The following CD63 variants were observed in gnomAD, a reference collection of about 807,000 sequenced individuals.
The protein encoded by CD63 is CD63 molecule, also known as CD63 antigen.
A neutral mutation model predicts 29.2 loss-of-function variants in CD63; 16 were observed. That is an observed-to-expected ratio of 0.55 (90% confidence interval 0.37 to 0.83). CD63 has a LOEUF of 0.83. CD63 is among the 40% of genes least tolerant of loss of function. CD63 has a pLI of 0.00. For missense variants in CD63, 251 were observed against 297.3 expected, an observed-to-expected ratio of 0.84 and a Z score of 1.15; for synonymous variants, 118 against 111.7, an observed-to-expected ratio of 1.06 and a Z score of -0.36.
At chr12:55,726,284 A>G (rs1227933961) in intron 5 of CD63, 23 bp from the exon 6 acceptor site, 1 of 1,571,772 alleles carries the variant, frequency 6.4e-7, no homozygotes, top group Admixed American at 1.7e-5. Flanking sequence ...AGAAATATGG[A>G]GAAGAAGGTT....
chr12:55,724,546 A>C (rs758798237), downstream of CD63: 1 of 1,609,698 alleles, frequency 6.2e-7, no homozygotes, highest in Non-Finnish European at 8.5e-7. Flanking sequence ...AGTCTACTGA[A>C]TCCAGCCTTC....
chr12:55,728,348 CG>C lies in CD63; in HGVS notation c.-8del. 1.2e-6 allele frequency: 2 copies of C among 1,609,368 alleles called. No individual in the cohort carries two copies. On this transcript the variant is annotated 5_prime_UTR_variant, in exon 2 of 8. Transcript: ENST00000257857. This position sits in a 1 kb window ranked among gnomAD's most constrained non-coding sequence, Gnocchi z 4.8. ...TTCCTCCTTCCACCGCCATGGCTGCCGGGCCTGGGGCAGAGGGGAGGGCGGG... is the reference window on the plus strand; with the variant it reads ...TTCCTCCTTCCACCGCCATGGCTGCCGGCCTGGGGCAGAGGGGAGGGCGGG...
rs950592950 is a variant in CD63 at position 55,726,281 on chromosome 12, T to A, written c.427-20A>T. The A allele has an allele frequency of 1.9e-6, 3 of 1,607,636 alleles. No individual in the cohort carries two copies. In the African/African-American group the frequency reaches 4.0e-5, roughly 22 times the overall value. ...CTTAAACTGGGGGAGGGAAGAAATATGGAGAAGAAGGTTGTTAAGTGAACC... is the reference window on the plus strand; with the variant it reads ...CTTAAACTGGGGGAGGGAAGAAATAAGGAGAAGAAGGTTGTTAAGTGAACC... On this transcript the variant is annotated intron_variant, in intron 5 of 7. Coordinates refer to ENST00000257857, the MANE Select transcript of CD63 (RefSeq NM_001780.6).
At chr12:55,727,459 CCT>C (rs1286755964) in intron 2 of CD63, 120 bp from the exon 3 acceptor site, 15 of 1,223,380 alleles carry the variant, frequency 1.2e-5, no homozygotes, top group Non-Finnish European at 1.6e-5. Flanking sequence ...GATTCTCACA[CCT>C]CTAGGGAATT....
chr12:55,724,238 C>A, downstream of CD63: 3 of 1,534,944 alleles, frequency 2.0e-6, no homozygotes, highest in Non-Finnish European at 2.7e-6. Flanking sequence ...CTGAGGGTGA[C>A]AAGCCCAGGG....
chr12:55,725,801 G>A lies in CD63; in HGVS notation c.651+12C>T. 1 of 1,612,762 alleles carries A rather than the reference G, an allele frequency of 6.2e-7. No individual in the cohort carries two copies. The highest frequency in any genetic ancestry group is 8.5e-7 in the Non-Finnish European group (1 of 1,178,888). On this transcript the variant is annotated intron_variant, in intron 7 of 7. Coordinates refer to ENST00000257857, the MANE Select transcript of CD63 (RefSeq NM_001780.6). ...GACAGAGTCCCAGCCCCTGCTCAGG[G>A]TTATCTCTTACCTCGACAAAAGCAA...
At chr12:55,723,907 G>A (rs1565655575), downstream of CD63, 1 of 1,614,034 alleles carries the variant, frequency 6.2e-7, no homozygotes, top group South Asian at 1.1e-5. Flanking sequence ...CTCATTTTGG[G>A]ATACGAGTCT....
chr12:55,724,725 C>A, downstream of CD63: 1 of 677,492 alleles, frequency 1.5e-6, no homozygotes. Flanking sequence ...CATTTAAGTG[C>A]CAACTACTCC....
downstream of CD63, chr12:55,724,315 G>T (rs766159716): frequency 1.2e-6 from 2 of 1,614,134 alleles, no homozygotes; most frequent in Admixed American, 1.7e-5. Flanking sequence ...CACCTATGGG[G>T]CTGCAGACCT....
In CD63 at chr12:55,728,226, G is replaced by A; in HGVS notation, c.66+50C>T. On this transcript the variant is annotated intron_variant, in intron 2 of 7. Coordinates refer to ENST00000257857, the MANE Select transcript of CD63 (RefSeq NM_001780.6). The surrounding 1 kb of genome is among the most constrained non-coding windows in gnomAD (Gnocchi z 4.8). ...CTCAGCCCTCACCACTGTGGAGCCA[G>A]GTCTCCCCGCACCCTGCCGGCGCGC... The A allele has an allele frequency of 6.7e-7, 1 of 1,499,342 alleles. No homozygotes were observed. Among genetic ancestry groups the A allele is most frequent in the Non-Finnish European group, 9.2e-7 (1 of 1,088,338 alleles). The allele number at this position is 1,499,342 out of a possible 1,614,324, so 92.9% of individuals were successfully genotyped here. A position where few individuals can be genotyped will look rare whatever the true frequency, so the allele number is the denominator to read the frequency against.
At chr12:55,725,943 C>T (rs547649224) in intron 6 of CD63, 47 bp from the exon 7 acceptor site, 4 of 1,572,088 alleles carry the variant, frequency 2.5e-6, no homozygotes, top group Admixed American at 3.5e-5. Context: ...AGAAACTTCC[C>T]ACCCCAACCC....
intron 7 of CD63, 41 bp from the exon 8 acceptor site, chr12:55,725,667 A>G (rs1877232217): frequency 1.9e-6 from 3 of 1,589,190 alleles, no homozygotes; most frequent in Middle Eastern, 1.7e-4. Context: ...AGGAGTCAGA[A>G]GGGCTAGCTA....
At position 55,728,231 on chromosome 12, in the gene CD63, C is replaced by T. The variant is rs1413575184; in HGVS notation, c.66+45G>A. 4 of 1,537,876 alleles carry T rather than the reference C, an allele frequency of 2.6e-6. No homozygotes were observed. The highest frequency in any genetic ancestry group is 1.7e-4 in the Middle Eastern group (1 of 5,930). ...CCCTCACCACTGTGGAGCCAGGTCT[C>T]CCCGCACCCTGCCGGCGCGCCCCCC... On this transcript the variant is annotated intron_variant, in intron 2 of 7. Transcript: ENST00000257857. The surrounding 1 kb of genome is among the most constrained non-coding windows in gnomAD (Gnocchi z 4.8).
At position 55,727,140 on chromosome 12, in the gene CD63, C is replaced by G; in HGVS notation, c.255+11G>C. 6.2e-7 allele frequency: 1 copy of G among 1,610,808 alleles called. No individual in the cohort carries two copies. Among genetic ancestry groups the G allele is most frequent in the South Asian group, 1.1e-5 (1 of 90,820 alleles). On this transcript the variant is annotated intron_variant, in intron 3 of 7. Transcript: ENST00000257857. ...CCCAGACCGCCCATGTTGGTCCCGCCCCCAACTCACCGTGATCATAAGACA... is the reference window on the plus strand; with the variant it reads ...CCCAGACCGCCCATGTTGGTCCCGCGCCCAACTCACCGTGATCATAAGACA...
rs573444044 is a variant in CD63, at chr12:55,728,229, C to T, written c.66+47G>A. On this transcript the variant is annotated intron_variant, in intron 2 of 7. Coordinates refer to ENST00000257857, the MANE Select transcript of CD63 (RefSeq NM_001780.6). This position sits in a 1 kb window ranked among gnomAD's most constrained non-coding sequence, Gnocchi z 4.8. ...AGCCCTCACCACTGTGGAGCCAGGT[C>T]TCCCCGCACCCTGCCGGCGCGCCCC... 1 of 1,521,072 alleles carries T rather than the reference C, an allele frequency of 6.6e-7. No individual in the cohort carries two copies. The highest frequency in any genetic ancestry group is 1.8e-5 in the Admixed American group (1 of 55,170). 94.2% of individuals were successfully genotyped at this position (1,521,072 alleles called of 1,614,324 possible). A position where few individuals can be genotyped will look rare whatever the true frequency, so the allele number is the denominator to read the frequency against.
Position 55,728,446 on chromosome 12 carries a change from G to T in CD63, c.-11-94C>A. The stretch of plus-strand genomic sequence containing the variant: ...CCGGCCCTCGAGGGCTTCCCTTCAC[G>T]GCCCCGATTCCCGGCCCCTCCCACC... On this transcript the variant is annotated intron_variant, in intron 1 of 7. Transcript: ENST00000257857. This position sits in a 1 kb window ranked among gnomAD's most constrained non-coding sequence, Gnocchi z 4.8. The T allele has an allele frequency of 6.6e-7, 1 of 1,525,396 alleles. No homozygotes were observed. The allele number at this position is 1,525,396 out of a possible 1,614,324, so 94.5% of individuals were successfully genotyped here. A position where few individuals can be genotyped will look rare whatever the true frequency, so the allele number is the denominator to read the frequency against.
Position 55,725,852 on chromosome 12 carries a change from C to A in CD63, c.612G>T (p.Leu204=), listed in dbSNP as rs1010774574. 2 of 1,613,992 alleles carry A rather than the reference C, an allele frequency of 1.2e-6. No homozygotes were observed. Among genetic ancestry groups the A allele is most frequent in the Admixed American group, 3.3e-5 (2 of 60,000 alleles). ...TTCCAAGGGCTGCTGCAGCTACCAC[C>A]AGCACATTTTTCCTCAGCCAGCCCC... ...KIGGWLRKNV[L]VVAAAALGIA... The change falls in exon 7 of 8, where the codon CTG becomes CTT. Residue 204 remains leucine, a synonymous_variant. Coordinates refer to ENST00000257857, the MANE Select transcript of CD63 (RefSeq NM_001780.6).
Position 55,728,346 on chromosome 12 carries a change from G to A in CD63, c.-5C>T. The A allele has an allele frequency of 6.2e-7, 1 of 1,609,622 alleles. No homozygotes were observed. The highest frequency in any genetic ancestry group is 8.5e-7 in the Non-Finnish European group (1 of 1,178,680). On this transcript the variant is annotated 5_prime_UTR_variant, in exon 2 of 8. Transcript: ENST00000257857. The surrounding 1 kb of genome is among the most constrained non-coding windows in gnomAD (Gnocchi z 4.8). ...CATTCCTCCTTCCACCGCCATGGCT[G>A]CCGGGCCTGGGGCAGAGGGGAGGGC...
intron 2 of CD63, 176 bp from the exon 3 acceptor site, chr12:55,727,515 C>T: frequency 8.1e-7 from 1 of 1,242,068 alleles, no homozygotes; most frequent in Non-Finnish European, 1.1e-6. Context: ...TTGCCTGCCC[C>T]TACCTCCCCT....
Sources: allele counts gnomAD v4.1 joint callset, GRCh38; gene constraint gnomAD v4.1.1; non-coding constraint Gnocchi (gnomAD v3.1); transcripts MANE v1.5; gene names NCBI Gene and HGNC (gene_info 2026-07-23, HGNC 2026-07-21).